Variants in KATNBL1 observed in about 807,000 individuals in gnomAD.
The protein encoded by KATNBL1 is KATNB1-like protein 1.
Under a neutral mutation model 44.7 loss-of-function variants are expected in KATNBL1, and 28 were observed. That is an observed-to-expected ratio of 0.63 (90% CI 0.46 to 0.86). KATNBL1 has a LOEUF of 0.86. Ranked by LOEUF, KATNBL1 falls within the 40% of genes least tolerant of loss-of-function variation. The pLI, the probability that KATNBL1 is intolerant of heterozygous loss-of-function variation, is 0.00. For missense variants in KATNBL1, 272 were observed against 350.7 expected, an observed-to-expected ratio of 0.78 and a Z score of 1.79; for synonymous variants, 78 against 114.9, an observed-to-expected ratio of 0.68 and a Z score of 2.06.
chr15:34,156,133 C>T (rs1052108061), intron 2 of KATNBL1, among the ~76,000 whole-genome samples: 1 of 152,176 alleles, frequency 6.6e-6, no homozygotes, highest in Non-Finnish European at 1.5e-5. Context: ...TAAGGGCTGA[C>T]TGGTTGGTGA....
At chr15:34,147,941 A>C (rs915618897) in intron 5 of KATNBL1, among the ~76,000 whole-genome samples, 3 of 152,064 alleles carry the variant, frequency 2.0e-5, no homozygotes, top group Non-Finnish European at 2.9e-5. Flanking sequence ...ATCACAGCTT[A>C]CTGCAACCTC....
chr15:34,176,442 C>G (rs540338062), intron 1 of KATNBL1, among the ~76,000 whole-genome samples: 4 of 151,248 alleles, frequency 2.6e-5, no homozygotes, highest in African/African-American at 9.7e-5. Flanking sequence ...GTGAAAGAAG[C>G]CAAACATGAA....
At chr15:34,181,806 A>ATATATGTC (rs1889562973) in intron 1 of KATNBL1, among the ~76,000 whole-genome samples, 1 of 77,142 alleles carries the variant, frequency 1.3e-5, no homozygotes, top group African/African-American at 7.0e-5. Context: ...CCATATATAT[A>ATATATGTC]CATATATACA....
intron 1 of KATNBL1, chr15:34,209,285 T>A (rs1162017146): frequency 6.6e-6 from 1 of 152,196 alleles, no homozygotes; most frequent in Non-Finnish European, 1.5e-5. Flanking sequence ...CAATTTTTTT[T>A]AAATCAGCAA....
intron 1 of KATNBL1, among the ~76,000 whole-genome samples, chr15:34,191,132 A>G (rs7181902): frequency 0.34 from 49,516 of 145,064 alleles, 8,870 homozygotes; most frequent in African/African-American, 0.48. Context: ...GCCTTTTCAA[A>G]AATTTCATAT....
At chr15:34,164,453 C>T (rs966879916) in intron 1 of KATNBL1, among the ~76,000 whole-genome samples, 1 of 151,856 alleles carries the variant, frequency 6.6e-6, no homozygotes, top group East Asian at 1.9e-4. Context: ...CTGACTTGTC[C>T]TATGCCTAAT....
intron 4 of KATNBL1, among the ~76,000 whole-genome samples, chr15:34,151,014 T>TG (rs2140906682): frequency 6.6e-6 from 1 of 152,360 alleles, no homozygotes; most frequent in East Asian, 1.9e-4. Context: ...TTACCATTGA[T>TG]GGGCATTTCG....
intron 1 of KATNBL1, among the ~76,000 whole-genome samples, chr15:34,189,057 A>G (rs1889801878): frequency 6.6e-6 from 1 of 152,180 alleles, no homozygotes; most frequent in Non-Finnish European, 1.5e-5. Context: ...TTTGAGACAG[A>G]GTCTCGCTCT....
Position 34,163,699 on chromosome 15 carries a change from T to C in KATNBL1, c.-14-9A>G. 1 of 1,419,870 alleles carries C rather than the reference T, an allele frequency of 7.0e-7. No individual in the cohort carries two copies. The highest frequency in any genetic ancestry group is 9.6e-7 in the Non-Finnish European group (1 of 1,046,254). The allele number at this position is 1,419,870 out of a possible 1,614,324, so 88.0% of individuals were successfully genotyped here. A position where few individuals can be genotyped will look rare whatever the true frequency, so the allele number is the denominator to read the frequency against. On this transcript the variant is annotated splice_polypyrimidine_tract_variant and intron_variant, in intron 1 of 9. Transcript: ENST00000256544. ...CATAATCTCTTAAGTACCTAGACAA[T>C]AAAATAAAATAGAAAATTAAAACAG...
rs142161407 is a variant in KATNBL1, at chr15:34,186,654, G to T, written c.-14-22964C>A. On this transcript the variant is annotated intron_variant, in intron 1 of 9. Transcript: ENST00000256544. ...GCGTCTCTGCAGTCTACACCCTTGG[G>T]CGCCCCAGGAAGGATCCCCCTCCCC... Among the ~76,000 whole-genome samples, 469 of 152,302 alleles carry T rather than the reference G, an allele frequency of 3.1e-3. 2 individuals are homozygous for T. The highest frequency in any genetic ancestry group is 0.011 in the African/African-American group (450 of 41,578).
At chr15:34,208,303 T>C (rs1890346552) in intron 1 of KATNBL1, among the ~76,000 whole-genome samples, 1 of 152,202 alleles carries the variant, frequency 6.6e-6, no homozygotes, top group Non-Finnish European at 1.5e-5. Flanking sequence ...TTGCGGCACA[T>C]TTCTTTTGTA....
At chr15:34,179,177 T>A (rs922282738) in intron 1 of KATNBL1, among the ~76,000 whole-genome samples, 1 of 152,228 alleles carries the variant, frequency 6.6e-6, no homozygotes, top group African/African-American at 2.4e-5. Flanking sequence ...AGAGGTTTAT[T>A]TTGTTTAGTT....
rs542502810 is a variant in KATNBL1 at position 34,173,964 on chromosome 15, A to G, written c.-14-10274T>C. ...GACTACAGGAAGTTCTCTTTAGCCA[A>G]ACAAAACAAATGAACAAACAAACAA... On this transcript the variant is annotated intron_variant, in intron 1 of 9. Transcript: ENST00000256544. Among the ~76,000 whole-genome samples, 3 of 152,322 alleles carry G rather than the reference A, an allele frequency of 2.0e-5. No homozygotes were observed. In the East Asian group the frequency reaches 5.8e-4, roughly 29 times the overall value.
chr15:34,196,905 A>G (rs529989162), intron 1 of KATNBL1, among the ~76,000 whole-genome samples: 2 of 152,334 alleles, frequency 1.3e-5, no homozygotes, highest in Admixed American at 6.5e-5. Context: ...TTTGATATAC[A>G]GTTTTTCAGG....
intron 3 of KATNBL1, among the ~76,000 whole-genome samples, chr15:34,153,943 T>A (rs1245197505): frequency 1.3e-5 from 2 of 152,142 alleles, no homozygotes; most frequent in Non-Finnish European, 2.9e-5. Context: ...TGTTAATTCA[T>A]TCAAAAAAAG....
At chr15:34,198,948 T>C (rs920447970) in intron 1 of KATNBL1, among the ~76,000 whole-genome samples, 8 of 152,216 alleles carry the variant, frequency 5.3e-5, no homozygotes, top group African/African-American at 7.2e-5. Context: ...TTTAATCTGA[T>C]TGAAGGTTAC....
chr15:34,156,002 T>C (rs1888626281), intron 2 of KATNBL1, among the ~76,000 whole-genome samples: 1 of 152,192 alleles, frequency 6.6e-6, no homozygotes. Flanking sequence ...CTCTGGTTGA[T>C]GAAATGCCAG....
chr15:34,188,450 G>A (rs1889784948), intron 1 of KATNBL1, among the ~76,000 whole-genome samples: 1 of 152,104 alleles, frequency 6.6e-6, no homozygotes, highest in Non-Finnish European at 1.5e-5. Context: ...CAGCTACTTG[G>A]GAGGCTGAGG....
intron 1 of KATNBL1, among the ~76,000 whole-genome samples, chr15:34,196,730 A>T (rs1397443994): frequency 1.3e-5 from 2 of 151,826 alleles, no homozygotes; most frequent in African/African-American, 4.8e-5. Flanking sequence ...TCCGTCTCAA[A>T]AAGAAAGAAA....
Sources: allele counts gnomAD v4.1 joint callset (sites outside exome capture counted in the v4.1 genomes callset), GRCh38; gene constraint gnomAD v4.1.1; transcripts MANE v1.5; gene names NCBI Gene and HGNC (gene_info 2026-07-23, HGNC 2026-07-21).